Variants in SESTD1 observed in about 807,000 individuals in gnomAD.
SESTD1 encodes the protein SEC14 domain and spectrin repeat-containing protein 1.
A neutral mutation model predicts 101.7 loss-of-function variants in SESTD1; 43 were observed. The observed-to-expected ratio is 0.42, with a 90% CI of 0.33 to 0.55. The LOEUF (loss-of-function observed/expected upper bound fraction) is 0.55, where lower values mean the gene tolerates loss of function less well. Ranked by LOEUF, SESTD1 falls within the 20% of genes least tolerant of loss-of-function variation. The pLI, the probability that SESTD1 is intolerant of heterozygous loss-of-function variation, is 0.07. For missense variants in SESTD1, 647 were observed against 815.1 expected, an observed-to-expected ratio of 0.79 and a Z score of 2.51; for synonymous variants, 283 against 286.8, an observed-to-expected ratio of 0.99 and a Z score of 0.13.
At chr2:179,162,054 CTTAAG>C (rs1017788106) in intron 5 of SESTD1, among the ~76,000 whole-genome samples, 6 of 152,140 alleles carry the variant, frequency 3.9e-5, no homozygotes, top group African/African-American at 1.4e-4. Context: ...CCTTATTCTC[CTTAAG>C]TTGTCATGTA....
intron 3 of SESTD1, among the ~76,000 whole-genome samples, chr2:179,178,236 T>A (rs1362587019): frequency 6.6e-6 from 1 of 152,234 alleles, no homozygotes; most frequent in East Asian, 1.9e-4. Context: ...TATTTTTGGA[T>A]GCGCATCACA....
chr2:179,254,525 G>A (rs1425339870), intron 1 of SESTD1, among the ~76,000 whole-genome samples: 1 of 152,224 alleles, frequency 6.6e-6, no homozygotes, highest in East Asian at 1.9e-4. Context: ...ACCAGGGACA[G>A]CAAATACAGG....
intron 1 of SESTD1, among the ~76,000 whole-genome samples, chr2:179,253,961 G>A (rs2047355608): frequency 6.6e-6 from 1 of 151,898 alleles, no homozygotes; most frequent in African/African-American, 2.4e-5. Flanking sequence ...TTAACCAGGT[G>A]TGGTGGCATG....
chr2:179,207,065 G>A (rs76625740), intron 1 of SESTD1, among the ~76,000 whole-genome samples: 2,587 of 132,292 alleles, frequency 0.02, 537 homozygotes, highest in Admixed American at 0.042. Flanking sequence ...AAAGAGAGTC[G>A]GAGCTCAGAC....
intron 4 of SESTD1, among the ~76,000 whole-genome samples, chr2:179,175,918 T>C (rs1404194910): frequency 6.6e-6 from 1 of 152,202 alleles, no homozygotes; most frequent in Non-Finnish European, 1.5e-5. Flanking sequence ...CTGAAATTCC[T>C]GAGGACACAG....
rs189665858 is a variant in SESTD1 at position 179,244,005 on chromosome 2, T to C, written c.-26+20494A>G. Among the ~76,000 whole-genome samples the C allele has an allele frequency of 3.7e-4, 56 of 151,386 alleles. No individual in the cohort carries two copies. In the East Asian group the frequency reaches 0.01, roughly 27 times the overall value. On this transcript the variant is annotated intron_variant, in intron 1 of 17. Transcript: ENST00000428443. The stretch of plus-strand genomic sequence containing the variant: ...ACAAATGAGGTGGTGTACACTTGTA[T>C]CCTAGCTACTTGGGAGGCTCCAGCA...
Position 179,143,677 on chromosome 2 carries a change from C to T in SESTD1, c.764G>A (p.Arg255Gln), listed in dbSNP as rs1300399773. The T allele has an allele frequency of 3.1e-6, 5 of 1,613,796 alleles. No individual in the cohort carries two copies. In the African/African-American group the frequency reaches 4.0e-5, roughly 13 times the overall value. The part of the protein sequence containing the change: ...PQVMKLLDSL[R>Q]EQYTRYQEVC... ...TTCCTGGTAGCGGGTATATTGCTCT[C>T]GGAGTGAATCTAATAATTTCATAAC... The change falls in exon 9 of 18, where the codon CGA becomes CAA. Residue 255 changes from arginine to glutamine, a missense_variant. By Grantham distance (43) the Arg-to-Gln change is conservative. This residue lies in a region of SESTD1 where 476 missense variants were observed against 562.6 expected (regional missense o/e 0.85). Coordinates refer to ENST00000428443, the MANE Select transcript of SESTD1 (RefSeq NM_178123.5).
intron 4 of SESTD1, among the ~76,000 whole-genome samples, chr2:179,173,587 T>C (rs545210557): frequency 1.3e-5 from 2 of 152,330 alleles, no homozygotes. Flanking sequence ...CAAAGTCACT[T>C]GTCTAAGATA....
chr2:179,123,567 A>C, intron 12 of SESTD1, 148 bp downstream of exon 12: 1 of 611,852 alleles, frequency 1.6e-6, no homozygotes, highest in South Asian at 2.2e-5. Flanking sequence ...ATAACCCCTC[A>C]AGGGAATAAA....
Position 179,104,404 on chromosome 2 carries a change from A to T in SESTD1, c.*5495T>A, listed in dbSNP as rs554293499. ...TCCTAAGAGAAAAATCAAACATACA[A>T]ATTTTATTTACCCTAACTTCCAGAC... On this transcript the variant is annotated 3_prime_UTR_variant, in exon 18 of 18. Transcript: ENST00000428443. 1 of 152,148 alleles carries T rather than the reference A, an allele frequency of 6.6e-6. No homozygotes were observed. Among genetic ancestry groups the T allele is most frequent in the Admixed American group, 6.6e-5 (1 of 15,252 alleles). 9.4% of individuals were successfully genotyped at this position (152,148 alleles called of 1,614,324 possible). A position where few individuals can be genotyped will look rare whatever the true frequency, so the allele number is the denominator to read the frequency against.
At chr2:179,114,530 T>C (rs2044584611) in intron 16 of SESTD1, among the ~76,000 whole-genome samples, 1 of 152,220 alleles carries the variant, frequency 6.6e-6, no homozygotes, top group Non-Finnish European at 1.5e-5. Flanking sequence ...GCATATTTTA[T>C]TTTTTGTTTC....
At chr2:179,238,090 A>C (rs564061115) in intron 1 of SESTD1, among the ~76,000 whole-genome samples, 1 of 152,336 alleles carries the variant, frequency 6.6e-6, no homozygotes, top group African/African-American at 2.4e-5. Flanking sequence ...AAGCTAGAGA[A>C]AATAAAATCT....
At chr2:179,230,113 C>CTCTCTTTTTTTTT in intron 1 of SESTD1, among the ~76,000 whole-genome samples, 1 of 56,404 alleles carries the variant, frequency 1.8e-5, no homozygotes, top group Non-Finnish European at 3.3e-5. Context: ...GATTGTATCT[C>CTCTCTTTTTTTTT]TTTTTTTTTT....
chr2:179,196,322 G>A lies in SESTD1; in HGVS notation c.-25-4456C>T, dbSNP rs191299201. On this transcript the variant is annotated intron_variant, in intron 1 of 17. Coordinates refer to ENST00000428443, the MANE Select transcript of SESTD1 (RefSeq NM_178123.5). The stretch of plus-strand genomic sequence containing the variant: ...GAGGGTCCTACACCCACGGAGTCTC[G>A]CTGACTGCTAGCACAGCAGTCTGAG... Among the ~76,000 whole-genome samples the A allele has an allele frequency of 9.2e-5, 14 of 152,278 alleles. No individual in the cohort carries two copies. In the East Asian group the frequency reaches 1.4e-3, roughly 15 times the overall value.
intron 5 of SESTD1, among the ~76,000 whole-genome samples, chr2:179,171,420 A>G (rs997086275): frequency 2.6e-4 from 39 of 152,166 alleles, no homozygotes; most frequent in African/African-American, 9.2e-4. Flanking sequence ...TCCAAAATGA[A>G]TCTTTATTAT....
chr2:179,190,946 A>T (rs1334797219), intron 2 of SESTD1, among the ~76,000 whole-genome samples: 1 of 152,240 alleles, frequency 6.6e-6, no homozygotes, highest in Non-Finnish European at 1.5e-5. Flanking sequence ...TAGTTCAGTA[A>T]CTGGAGAAAG....
chr2:179,264,767 C>G lies in SESTD1; in HGVS notation c.-294G>C, dbSNP rs1286537642. On this transcript the variant is annotated 5_prime_UTR_variant, in exon 1 of 18. Coordinates refer to ENST00000428443, the MANE Select transcript of SESTD1 (RefSeq NM_178123.5). ...CGGCACCCGCGGCCCGAGCCGCGTC[C>G]GCGCGACCCCGCGCGCGCCCGGGTG... is the stretch of plus-strand genomic sequence containing the variant. 1.3e-5 allele frequency: 2 copies of G among 151,466 alleles called. No homozygotes were observed. Among genetic ancestry groups the G allele is most frequent in the Non-Finnish European group, 3.0e-5 (2 of 67,630 alleles). 9.4% of individuals were successfully genotyped at this position (151,466 alleles called of 1,614,324 possible).
rs1054251996 is a variant in SESTD1 at position 179,214,025 on chromosome 2, C to A, written c.-25-22159G>T. 8.1e-5 allele frequency among the ~76,000 whole-genome samples: 11 copies of A among 135,076 alleles called. 3 individuals carry two copies. The highest frequency in any genetic ancestry group is 1.4e-4 in the Non-Finnish European group (9 of 62,888). 88.6% of individuals were successfully genotyped at this position (135,076 alleles called of 152,430 possible). A position where few individuals can be genotyped will look rare whatever the true frequency, so the allele number is the denominator to read the frequency against. On this transcript the variant is annotated intron_variant, in intron 1 of 17. Transcript: ENST00000428443. ...CAACCGGTACCAGCCACTGCAAAAA[C>A]GTGCCAATGTGTAAAGACCATTGAT...
intron 5 of SESTD1, among the ~76,000 whole-genome samples, chr2:179,171,057 C>T (rs1480925935): frequency 6.6e-6 from 1 of 152,062 alleles, no homozygotes; most frequent in South Asian, 2.1e-4. Flanking sequence ...AGTTTTCCTA[C>T]CACCAGTCAG....
Sources: gnomAD v4.1 joint callset for allele counts (sites outside exome capture counted in the v4.1 genomes callset) on GRCh38, gnomAD v4.1.1 for gene constraint, gnomAD v4.1.1 regional missense constraint, MANE v1.5 for transcripts, NCBI Gene and HGNC (gene_info 2026-07-23, HGNC 2026-07-21) for gene names.